CCDC192: variants seen among roughly 807,000 people sequenced by gnomAD.
The protein encoded by CCDC192 is coiled-coil domain-containing protein 192.
chr5:127,788,593 C>T (rs1004676298), intron 3 of CCDC192, among the ~76,000 whole-genome samples: 2 of 152,052 alleles, frequency 1.3e-5, no homozygotes, highest in Admixed American at 6.6e-5. Context: ...CTTTTTATTC[C>T]TCAATTCCTC....
intron 5 of CCDC192, among the ~76,000 whole-genome samples, chr5:127,845,626 G>T (rs970154915): frequency 1.3e-5 from 2 of 152,228 alleles, no homozygotes; most frequent in East Asian, 3.9e-4. Context: ...TCATTTCAAG[G>T]TATTTGCTAG....
intron 2 of CCDC192, among the ~76,000 whole-genome samples, chr5:127,753,198 G>C (rs1447618474): frequency 6.6e-6 from 1 of 152,146 alleles, no homozygotes; most frequent in Non-Finnish European, 1.5e-5. Flanking sequence ...CAAGAAAACA[G>C]GACACACCCA....
At chr5:127,853,941 C>G (rs950115911) in intron 5 of CCDC192, among the ~76,000 whole-genome samples, 1 of 152,166 alleles carries the variant, frequency 6.6e-6, no homozygotes, top group Non-Finnish European at 1.5e-5. Context: ...GCACCACTCG[C>G]TTTTCACCCC....
chr5:127,863,034 G>A (rs535285071), intron 5 of CCDC192, among the ~76,000 whole-genome samples: 10 of 151,664 alleles, frequency 6.6e-5, no homozygotes, highest in African/African-American at 2.4e-4. Context: ...CATATAATAA[G>A]ATCTGAGATG....
intron 6 of CCDC192, among the ~76,000 whole-genome samples, chr5:127,905,035 G>A (rs1227074765): frequency 1.3e-5 from 2 of 152,112 alleles, no homozygotes; most frequent in African/African-American, 4.8e-5. Context: ...GCTACTAGAT[G>A]CAAATATCCT....
chr5:127,852,400 C>A (rs1318068347), intron 5 of CCDC192, among the ~76,000 whole-genome samples: 1 of 152,134 alleles, frequency 6.6e-6, no homozygotes, highest in African/African-American at 2.4e-5. Context: ...GGAAGAGAGG[C>A]CTCTGCAGTG....
chr5:127,702,549 T>C (rs1339528723), upstream of CCDC192, among the ~76,000 whole-genome samples: 1 of 152,238 alleles, frequency 6.6e-6, no homozygotes, highest in Non-Finnish European at 1.5e-5. Flanking sequence ...CCTGTTACTA[T>C]TGTAGTTACT....
intron 5 of CCDC192, among the ~76,000 whole-genome samples, chr5:127,807,747 TC>T (rs1360120971): frequency 1.3e-5 from 2 of 151,754 alleles, no homozygotes; most frequent in Admixed American, 6.6e-5. Context: ...TGATCAGGAG[TC>T]GATATTTGAG....
chr5:127,891,426 C>T (rs1752728411), intron 6 of CCDC192, among the ~76,000 whole-genome samples: 1 of 152,154 alleles, frequency 6.6e-6, no homozygotes, highest in South Asian at 2.1e-4. Flanking sequence ...TTCATCTTTC[C>T]ACTACCAAAT....
At chr5:127,899,477 C>T (rs919710254) in intron 6 of CCDC192, among the ~76,000 whole-genome samples, 1 of 150,728 alleles carries the variant, frequency 6.6e-6, no homozygotes, top group Admixed American at 6.6e-5. Context: ...GTTGGCAAGC[C>T]AGAGGGCCTG....
chr5:127,738,804 G>A lies in CCDC192; in HGVS notation c.115-15464G>A, dbSNP rs188131982. Among the ~76,000 whole-genome samples the A allele has an allele frequency of 5.1e-3, 769 of 152,222 alleles. 5 individuals carry two copies. The highest frequency in any genetic ancestry group is 0.014 in the Middle Eastern group (4 of 294). On this transcript the variant is annotated intron_variant, in intron 2 of 6. Coordinates refer to ENST00000514853, the MANE Select transcript of CCDC192 (RefSeq NM_001317938.2). ...CATCAGCTTCTTTAAGCACTTCTCT[G>A]TATTGGTTATTCTAGTTACACATTC... is the stretch of plus-strand genomic sequence containing the variant.
intron 6 of CCDC192, among the ~76,000 whole-genome samples, chr5:127,919,005 ATGTATATATGTGTGTGTATG>A (rs2127186893): frequency 1.4e-5 from 2 of 143,446 alleles, no homozygotes; most frequent in South Asian, 4.3e-4. Flanking sequence ...ATATGTGTGT[ATGTATATATGTGTGTGTATG>A]TGTATATATG....
intron 2 of CCDC192, among the ~76,000 whole-genome samples, chr5:127,752,202 T>A (rs978122055): frequency 2.6e-5 from 4 of 152,206 alleles, no homozygotes; most frequent in African/African-American, 7.2e-5. Flanking sequence ...TGATTTTTAG[T>A]TTCCAGTTTT....
upstream of CCDC192, among the ~76,000 whole-genome samples, chr5:127,702,225 T>G (rs1467715993): frequency 6.6e-6 from 1 of 152,074 alleles, no homozygotes. Flanking sequence ...CCCGAGTAGC[T>G]GGGACTACAG....
chr5:127,867,450 T>A (rs775367141), intron 5 of CCDC192, among the ~76,000 whole-genome samples: 2 of 152,238 alleles, frequency 1.3e-5, no homozygotes, highest in Non-Finnish European at 2.9e-5. Context: ...CCTCTCTGGT[T>A]TCTGTGCTCT....
At chr5:127,715,640 G>A (rs913387503) in intron 2 of CCDC192, among the ~76,000 whole-genome samples, 3 of 152,164 alleles carry the variant, frequency 2.0e-5, no homozygotes, top group African/African-American at 4.8e-5. Context: ...TATTTTGATA[G>A]GGATTGCATT....
chr5:127,869,300 G>C (rs1290319213), intron 5 of CCDC192, among the ~76,000 whole-genome samples: 1 of 151,924 alleles, frequency 6.6e-6, no homozygotes, highest in African/African-American at 2.4e-5. Flanking sequence ...TTCCACCCTG[G>C]GCAATAAGAG....
intron 5 of CCDC192, among the ~76,000 whole-genome samples, chr5:127,875,289 A>C (rs758575752): frequency 6.6e-6 from 1 of 152,158 alleles, no homozygotes; most frequent in Non-Finnish European, 1.5e-5. Flanking sequence ...CCCAGGTAAA[A>C]ACTCTTCAAC....
intron 6 of CCDC192, among the ~76,000 whole-genome samples, chr5:127,877,354 GAT>G (rs772207360): frequency 4.0e-4 from 60 of 151,328 alleles, no homozygotes; most frequent in Non-Finnish European, 6.6e-4. Flanking sequence ...TATTTTTGTG[GAT>G]TTTTTTTTTA....
Sources: allele counts gnomAD v4.1 joint callset (sites outside exome capture counted in the v4.1 genomes callset), GRCh38; gene constraint gnomAD v4.1.1; transcripts MANE v1.5; gene names NCBI Gene and HGNC (gene_info 2026-07-23, HGNC 2026-07-21).